PTPRM: variants seen among roughly 807,000 people sequenced by gnomAD.
The protein encoded by PTPRM is receptor-type tyrosine-protein phosphatase mu.
Under a neutral mutation model 186.7 loss-of-function variants are expected in PTPRM, and 47 were observed. The observed-to-expected ratio is 0.25, with a 90% CI of 0.20 to 0.32. The LOEUF (loss-of-function observed/expected upper bound fraction) is 0.32, where lower values mean the gene tolerates loss of function less well. PTPRM is among the 10% of genes least tolerant of loss of function. PTPRM has a pLI of 1.00. For missense variants in PTPRM, 1,494 were observed against 1,865.0 expected (o/e 0.80, Z 3.66); for synonymous variants, 668 against 674.9 (o/e 0.99, Z 0.16).
chr18:7,941,096 T>G lies in PTPRM; in HGVS notation c.664-8085T>G, dbSNP rs181301142. Among the ~76,000 whole-genome samples the G allele has an allele frequency of 1.5e-3, 225 of 152,330 alleles. 1 individual carries two copies. Among genetic ancestry groups the G allele is most frequent in the Middle Eastern group, 6.8e-3 (2 of 294 alleles). ...CCATTCCTGTTTTACGTGCCTGTCCTTTTCATGCTGGAAGATGGTTGTCCT... is the reference window on the plus strand; with the variant it reads ...CCATTCCTGTTTTACGTGCCTGTCCGTTTCATGCTGGAAGATGGTTGTCCT... On this transcript the variant is annotated intron_variant, in intron 5 of 32. Coordinates refer to ENST00000580170, the MANE Select transcript of PTPRM (RefSeq NM_001105244.2).
intron 13 of PTPRM, among the ~76,000 whole-genome samples, chr18:8,125,427 G>A (rs1288181860): frequency 1.3e-5 from 2 of 151,996 alleles, no homozygotes; most frequent in East Asian, 3.9e-4. Flanking sequence ...ATACATACAT[G>A]TACATTTAAC....
At chr18:7,888,736 A>T (rs957930304) in intron 3 of PTPRM, among the ~76,000 whole-genome samples, 6 of 152,224 alleles carry the variant, frequency 3.9e-5, no homozygotes, top group African/African-American at 1.2e-4. Flanking sequence ...CTAGGTGTCC[A>T]TCAGTGGTGG....
chr18:7,639,312 C>T (rs140683093), intron 1 of PTPRM, among the ~76,000 whole-genome samples: 5,420 of 151,820 alleles, frequency 0.036, 350 homozygotes, highest in African/African-American at 0.12. Context: ...CCTCGTGATC[C>T]GCCTGCCTTG....
Position 7,888,345 on chromosome 18 carries a change from G to A in PTPRM, c.436G>A (p.Ala146Thr). Reference protein sequence around the residue: ...PTRTWNRAELAISTFWPNFYQ... With the variant: ...PTRTWNRAELTISTFWPNFYQ... The stretch of plus-strand genomic sequence containing the variant: ...ACGTACATGGAACAGGGCAGAACTG[G>A]CCATTAGTACTTTCTGGCCTAACTT... The change falls in exon 3 of 33, where the codon GCC becomes ACC. Residue 146 changes from alanine to threonine, a missense_variant. Coordinates refer to ENST00000580170, the MANE Select transcript of PTPRM (RefSeq NM_001105244.2). 6.2e-7 allele frequency: 1 copy of A among 1,613,398 alleles called. No individual in the cohort carries two copies. Among genetic ancestry groups the A allele is most frequent in the Non-Finnish European group, 8.5e-7 (1 of 1,179,690 alleles).
intron 2 of PTPRM, among the ~76,000 whole-genome samples, chr18:7,880,304 G>A (rs1226874760): frequency 2.6e-5 from 4 of 152,138 alleles, no homozygotes; most frequent in Admixed American, 2.0e-4. Flanking sequence ...CTATCTTACT[G>A]TGTTTTCACC....
rs140993423 is a variant in PTPRM at position 7,883,466 on chromosome 18, G to A, written c.197-4640G>A. ...GACTTTATACCTTCATAGCAGATAGGTGATAAAAACGAACTAAGAAGCAAC... is the reference window on the plus strand; with the variant it reads ...GACTTTATACCTTCATAGCAGATAGATGATAAAAACGAACTAAGAAGCAAC... On this transcript the variant is annotated intron_variant, in intron 2 of 32. Transcript: ENST00000580170. Among the ~76,000 whole-genome samples the A allele has an allele frequency of 1.9e-3, 292 of 152,270 alleles. 2 individuals are homozygous for A. The highest frequency in any genetic ancestry group is 6.1e-3 in the African/African-American group (255 of 41,568).
intron 32 of PTPRM, among the ~76,000 whole-genome samples, chr18:8,400,652 T>A (rs1466649663): frequency 1.3e-5 from 2 of 152,172 alleles, no homozygotes; most frequent in Non-Finnish European, 2.9e-5. Flanking sequence ...CCCATCCTGA[T>A]CTGCGGATCT....
At chr18:8,112,360 G>A (rs1171112359) in intron 11 of PTPRM, among the ~76,000 whole-genome samples, 1 of 152,222 alleles carries the variant, frequency 6.6e-6, no homozygotes, top group African/African-American at 2.4e-5. Context: ...AGACGAGAGT[G>A]TAGAGACAAA....
chr18:7,785,425 AGTGT>A (rs747249090), intron 2 of PTPRM, among the ~76,000 whole-genome samples: 8 of 151,798 alleles, frequency 5.3e-5, no homozygotes, highest in Non-Finnish European at 1.2e-4. Flanking sequence ...TGCAGAAAAA[AGTGT>A]GTGTGTATGT....
In PTPRM at chr18:8,238,656, T is replaced by TTTTTTTG. The variant is rs1568578064; in HGVS notation, c.2301-5396_2301-5395insGTTTTTT. 4.3e-3 allele frequency among the ~76,000 whole-genome samples: 262 copies of TTTTTTTG among 61,402 alleles called. 2 individuals are homozygous for TTTTTTTG. The highest frequency in any genetic ancestry group is 0.019 in the African/African-American group (250 of 12,918). The allele number at this position is 61,402 out of a possible 152,430, so 40.3% of individuals were successfully genotyped here. A position where few individuals can be genotyped will look rare whatever the true frequency, so the allele number is the denominator to read the frequency against. Reference sequence around the variant, plus strand: ...CTCTTCACACTGTTTTGTGTGTTTTTTTTTTTTTTTTTTTTTTTTTTTTTT... The same window carrying TTTTTTTG: ...CTCTTCACACTGTTTTGTGTGTTTTTTTTTTTGTTTTTTTTTTTTTTTTTTTTTTTTT... On this transcript the variant is annotated intron_variant, in intron 14 of 32. Coordinates refer to ENST00000580170, the MANE Select transcript of PTPRM (RefSeq NM_001105244.2).
At chr18:8,261,223 C>CA (rs1568622317) in intron 19 of PTPRM, among the ~76,000 whole-genome samples, 2 of 151,986 alleles carry the variant, frequency 1.3e-5, no homozygotes, top group African/African-American at 2.4e-5. Context: ...AAAACAAAAC[C>CA]AAACCATTGA....
intron 7 of PTPRM, among the ~76,000 whole-genome samples, chr18:7,983,905 G>A (rs992594761): frequency 1.3e-5 from 2 of 152,144 alleles, no homozygotes; most frequent in Non-Finnish European, 2.9e-5. Context: ...AATATTTAAT[G>A]CTAAAGAGCC....
chr18:8,200,163 G>A (rs2093834224), intron 14 of PTPRM, among the ~76,000 whole-genome samples: 1 of 152,106 alleles, frequency 6.6e-6, no homozygotes, highest in African/African-American at 2.4e-5. Flanking sequence ...CAGTTACAAG[G>A]CCTTAAGAGG....
chr18:8,326,515 C>G (rs76484075), intron 22 of PTPRM, among the ~76,000 whole-genome samples: 1 of 152,196 alleles, frequency 6.6e-6, no homozygotes, highest in Non-Finnish European at 1.5e-5. Flanking sequence ...GGAGGCATCA[C>G]TTTATGTGAC....
intron 19 of PTPRM, among the ~76,000 whole-genome samples, chr18:8,278,543 G>A (rs1473712621): frequency 6.6e-6 from 1 of 152,066 alleles, no homozygotes; most frequent in Non-Finnish European, 1.5e-5. Context: ...GAAAGCAGAG[G>A]CAAAATGAAA....
At chr18:7,959,110 G>T (rs1244104713) in intron 7 of PTPRM, among the ~76,000 whole-genome samples, 1 of 152,190 alleles carries the variant, frequency 6.6e-6, no homozygotes, top group African/African-American at 2.4e-5. Context: ...TCATTGTTTT[G>T]TTGTGAGCCT....
intron 1 of PTPRM, among the ~76,000 whole-genome samples, chr18:7,709,077 C>G (rs756320023): frequency 6.6e-5 from 10 of 152,108 alleles, no homozygotes; most frequent in Non-Finnish European, 1.3e-4. Context: ...TCACACTACT[C>G]CCTAAATCTA....
At chr18:7,704,021 G>A (rs1236010180) in intron 1 of PTPRM, among the ~76,000 whole-genome samples, 1 of 152,194 alleles carries the variant, frequency 6.6e-6, no homozygotes, top group Non-Finnish European at 1.5e-5. Flanking sequence ...TAGGGATGAA[G>A]TCGACTTTAT....
chr18:8,187,004 G>C (rs1255221261), intron 14 of PTPRM, among the ~76,000 whole-genome samples: 1 of 150,752 alleles, frequency 6.6e-6, no homozygotes, highest in Admixed American at 6.6e-5. Flanking sequence ...GCAGTGGCTT[G>C]ATCTTGGCGC....
Sources: gnomAD v4.1 joint callset for allele counts (sites outside exome capture counted in the v4.1 genomes callset) on GRCh38, gnomAD v4.1.1 for gene constraint, MANE v1.5 for transcripts, NCBI Gene and HGNC (gene_info 2026-07-23, HGNC 2026-07-21) for gene names.